The following ITGA8 variants were observed in gnomAD, a reference collection of about 807,000 sequenced individuals.
The protein encoded by ITGA8 is integrin alpha-8.
ITGA8 carries 91 observed loss-of-function variants against 142.3 expected under a neutral mutation model. The ratio of observed to expected loss-of-function variants is 0.64; its 90% CI spans 0.54 to 0.76. The LOEUF (loss-of-function observed/expected upper bound fraction) is 0.76, where lower values mean the gene tolerates loss of function less well. Among genes scored for constraint, ITGA8 ranks in the 30% least tolerant of loss-of-function variants. The pLI is 0.00. For synonymous variants in ITGA8, 505 were observed against 485.2 expected, an observed-to-expected ratio of 1.04 and a Z score of -0.54; for missense variants, 1,406 against 1,327.7, an observed-to-expected ratio of 1.06 and a Z score of -0.92.
chr10:15,559,847 A>G (rs1160796351), intron 25 of ITGA8, among the ~76,000 whole-genome samples: 3 of 150,594 alleles, frequency 2.0e-5, no homozygotes, highest in Non-Finnish European at 4.4e-5. Flanking sequence ...GGGGAGGGAG[A>G]ACATGAGGAA....
At chr10:15,625,388 C>T (rs773092229) in intron 13 of ITGA8, among the ~76,000 whole-genome samples, 2 of 152,188 alleles carry the variant, frequency 1.3e-5, no homozygotes, top group Admixed American at 6.5e-5. Flanking sequence ...TTCGTGTCAC[C>T]GTATCAAAGG....
chr10:15,538,478 C>T (rs1833497163), intron 27 of ITGA8, among the ~76,000 whole-genome samples: 1 of 146,368 alleles, frequency 6.8e-6, no homozygotes, highest in South Asian at 2.2e-4. Flanking sequence ...TGCCACTGTA[C>T]TCCAGCCTGG....
rs1564424283 is a variant in ITGA8, at chr10:15,719,839, G to GC, written c.-69_-68insG. On this transcript the variant is annotated 5_prime_UTR_variant, in exon 1 of 30. Coordinates refer to ENST00000378076, the MANE Select transcript of ITGA8 (RefSeq NM_003638.3). ...CCGAGGACCCCTGCGGGGCAAGGGG[G>GC]GCTGGTGGAATCTGGCGGTCCCCAG... 1.7e-6 allele frequency: 2 copies of GC among 1,184,298 alleles called. No homozygotes were observed. The highest frequency in any genetic ancestry group is 2.7e-5 in the South Asian group (1 of 36,666). 73.4% of individuals were successfully genotyped at this position (1,184,298 alleles called of 1,614,324 possible). A position where few individuals can be genotyped will look rare whatever the true frequency, so the allele number is the denominator to read the frequency against.
intron 8 of ITGA8, among the ~76,000 whole-genome samples, chr10:15,670,231 T>C (rs1834485809): frequency 6.6e-6 from 1 of 152,200 alleles, no homozygotes. Context: ...TAAATACTGA[T>C]TGATGATTGA....
At chr10:15,561,301 T>C (rs566250298) in intron 25 of ITGA8, among the ~76,000 whole-genome samples, 14 of 149,122 alleles carry the variant, frequency 9.4e-5, no homozygotes, top group African/African-American at 3.0e-4. Context: ...AATGCATAAA[T>C]AAATGGAAAA....
At chr10:15,605,176 C>T (rs951197675) in intron 19 of ITGA8, among the ~76,000 whole-genome samples, 5 of 152,156 alleles carry the variant, frequency 3.3e-5, no homozygotes, top group African/African-American at 1.2e-4. Context: ...GAATACAGTG[C>T]AATTTCCAGT....
chr10:15,617,810 A>G (rs1392691930), intron 13 of ITGA8, among the ~76,000 whole-genome samples: 2 of 152,140 alleles, frequency 1.3e-5, no homozygotes, highest in Admixed American at 1.3e-4. Flanking sequence ...AGAAAACTGG[A>G]CCTCCATGGA....
At chr10:15,628,096 T>G (rs1833617384) in intron 13 of ITGA8, among the ~76,000 whole-genome samples, 1 of 151,902 alleles carries the variant, frequency 6.6e-6, no homozygotes, top group Admixed American at 6.5e-5. Flanking sequence ...TTACCCTATA[T>G]GGTCTACAAA....
At chr10:15,576,162 T>C (rs943050119) in intron 23 of ITGA8, among the ~76,000 whole-genome samples, 2 of 152,182 alleles carry the variant, frequency 1.3e-5, no homozygotes. Context: ...TCTATATTTC[T>C]TTGGCTTCCT....
At chr10:15,655,512 A>G (rs911881437) in intron 10 of ITGA8, 106 bp from the exon 11 acceptor site, 5 of 801,932 alleles carry the variant, frequency 6.2e-6, no homozygotes, top group Admixed American at 2.1e-5. Context: ...ACATTTTTGC[A>G]TTGAAATTCA....
intron 21 of ITGA8, among the ~76,000 whole-genome samples, chr10:15,593,126 G>A (rs1177847872): frequency 1.3e-5 from 2 of 152,138 alleles, no homozygotes; most frequent in Non-Finnish European, 2.9e-5. Flanking sequence ...ATGCGCTATA[G>A]GAAAACATTT....
At chr10:15,578,072 T>C (rs1054201098) in intron 23 of ITGA8, among the ~76,000 whole-genome samples, 1 of 152,124 alleles carries the variant, frequency 6.6e-6, no homozygotes, top group African/African-American at 2.4e-5. Context: ...AAAACCAAAA[T>C]GTGATATTGT....
At chr10:15,576,106 G>A (rs919118989) in intron 23 of ITGA8, among the ~76,000 whole-genome samples, 2 of 152,088 alleles carry the variant, frequency 1.3e-5, no homozygotes, top group African/African-American at 2.4e-5. Flanking sequence ...ATAGTTTCTT[G>A]TTGAAGGCAT....
chr10:15,549,106 C>T (rs1833735668), intron 26 of ITGA8, among the ~76,000 whole-genome samples: 1 of 151,648 alleles, frequency 6.6e-6, no homozygotes, highest in African/African-American at 2.4e-5. Flanking sequence ...AATGAATAAC[C>T]TTTAATATAT....
chr10:15,594,215 T>C (rs959384274), intron 21 of ITGA8, among the ~76,000 whole-genome samples: 1 of 151,976 alleles, frequency 6.6e-6, no homozygotes, highest in African/African-American at 2.4e-5. Context: ...GCCTTTTAGC[T>C]TTTTCTTGCC....
Position 15,686,455 on chromosome 10 carries a change from A to G in ITGA8, c.444+1483T>C, listed in dbSNP as rs140583797. 8.1e-4 allele frequency among the ~76,000 whole-genome samples: 123 copies of G among 152,326 alleles called. 1 individual carries two copies. The East Asian group carries it at 0.022, about 27-fold the overall frequency. On this transcript the variant is annotated intron_variant, in intron 3 of 29. Transcript: ENST00000378076. The stretch of plus-strand genomic sequence containing the variant: ...ACTGGCCTCACCTTCTGTTTCATCA[A>G]AAGGCATTTCATGCCATGAAAATTC...
intron 26 of ITGA8, among the ~76,000 whole-genome samples, chr10:15,555,873 A>G (rs1588641907): frequency 6.6e-6 from 1 of 150,850 alleles, no homozygotes; most frequent in Non-Finnish European, 1.5e-5. Context: ...TTTTTTTTGT[A>G]TTTTTAGTAG....
intron 27 of ITGA8, among the ~76,000 whole-genome samples, chr10:15,540,044 C>T (rs1379411109): frequency 3.9e-5 from 6 of 152,184 alleles, no homozygotes; most frequent in African/African-American, 1.4e-4. Context: ...ATTGTGAGGC[C>T]TCCCCAGCCA....
intron 25 of ITGA8, among the ~76,000 whole-genome samples, chr10:15,566,688 G>C (rs1483843100): frequency 1.3e-5 from 2 of 151,796 alleles, no homozygotes; most frequent in African/African-American, 4.8e-5. Context: ...GTACATTCCT[G>C]TAGTCCCAGC....
Sources: allele counts gnomAD v4.1 joint callset (sites outside exome capture counted in the v4.1 genomes callset), GRCh38; gene constraint gnomAD v4.1.1; transcripts MANE v1.5; gene names NCBI Gene and HGNC (gene_info 2026-07-23, HGNC 2026-07-21).